The following TMEM161B variants were observed in gnomAD, a reference collection of about 807,000 sequenced individuals.
The protein encoded by TMEM161B is transmembrane protein 161B.
Under a neutral mutation model 61.8 loss-of-function variants are expected in TMEM161B, and 34 were observed. The ratio of observed to expected loss-of-function variants is 0.55; its 90% confidence interval spans 0.42 to 0.73. The LOEUF (loss-of-function observed/expected upper bound fraction) is 0.73, where lower values mean the gene tolerates loss of function less well. TMEM161B is among the 30% of genes least tolerant of loss of function. TMEM161B has a pLI of 0.00. For missense variants in TMEM161B, 456 were observed against 558.5 expected, an observed-to-expected ratio of 0.82 and a Z score of 1.85; for synonymous variants, 167 against 192.8, an observed-to-expected ratio of 0.87 and a Z score of 1.11.
intron 8 of TMEM161B, among the ~76,000 whole-genome samples, chr5:88,204,558 G>A (rs1745069930): frequency 6.6e-6 from 1 of 152,084 alleles, no homozygotes; most frequent in South Asian, 2.1e-4. Context: ...AGCCCACAGC[G>A]GTTTCAGTAG....
In TMEM161B at chr5:88,199,087, C is replaced by A. The variant is rs1208728401; in HGVS notation, c.978G>T (p.Arg326=). The change falls in exon 10 of 12, where the codon CGG becomes CGT. Residue 326 remains arginine, a synonymous_variant. Coordinates refer to ENST00000296595, the MANE Select transcript of TMEM161B (RefSeq NM_153354.5). ...LWLIILLCAL[R]LAMMRSHLQA... Reference sequence around the variant, plus strand: ...GCAGGTGACTACGCATCATGGCCAACCGCAAAGCACACAGCAGGATTATTA... The same window carrying A: ...GCAGGTGACTACGCATCATGGCCAAACGCAAAGCACACAGCAGGATTATTA... 5.0e-6 allele frequency: 8 copies of A among 1,612,910 alleles called. No homozygotes were observed. In the African/African-American group the frequency reaches 1.1e-4, roughly 22 times the overall value.
downstream of TMEM161B, among the ~76,000 whole-genome samples, chr5:88,189,411 TG>T (rs1748570560): frequency 6.6e-6 from 1 of 152,152 alleles, no homozygotes; most frequent in African/African-American, 2.4e-5. Context: ...TGTCCAGGCT[TG>T]GTCTTGCCTT....
chr5:88,195,810 A>G lies in TMEM161B; in HGVS notation c.*401T>C, dbSNP rs1159280608. 1.0e-6 allele frequency: 1 copy of G among 991,722 alleles called. No individual in the cohort carries two copies. Among genetic ancestry groups the G allele is most frequent in the Non-Finnish European group, 1.2e-6 (1 of 834,110 alleles). 61.4% of individuals were successfully genotyped at this position (991,722 alleles called of 1,614,324 possible). A position where few individuals can be genotyped will look rare whatever the true frequency, so the allele number is the denominator to read the frequency against. ...CCCTAAAGCATGGCTCAGTTTGAAG[A>G]TTGTTCTATAGGCAGCCACTATGAC... is the stretch of plus-strand genomic sequence containing the variant. On this transcript the variant is annotated 3_prime_UTR_variant, in exon 12 of 12. Transcript: ENST00000296595.
chr5:88,265,920 C>T (rs1756316043), intron 1 of TMEM161B, among the ~76,000 whole-genome samples: 1 of 152,186 alleles, frequency 6.6e-6, no homozygotes, highest in African/African-American at 2.4e-5. Flanking sequence ...TAGCTCTAAT[C>T]TACCTATCTT....
chr5:88,234,720 G>A (rs62369774), intron 2 of TMEM161B, among the ~76,000 whole-genome samples: 1 of 151,990 alleles, frequency 6.6e-6, no homozygotes, highest in African/African-American at 2.4e-5. Context: ...TTTTTGAAAT[G>A]GGAAAAAATA....
At chr5:88,230,608 G>C (rs1470620327) in intron 2 of TMEM161B, among the ~76,000 whole-genome samples, 2 of 152,102 alleles carry the variant, frequency 1.3e-5, no homozygotes, top group Non-Finnish European at 2.9e-5. Flanking sequence ...TTGACTAAGT[G>C]ACATTTTCTT....
Position 88,208,250 on chromosome 5 carries a change from G to T in TMEM161B, c.447-1070C>A, listed in dbSNP as rs369796480. ...TGTGATCCCAGCACCTTGGGAGGCC[G>T]AGGCGGCTGGATCACGAGGTCAGGA... is the stretch of plus-strand genomic sequence containing the variant. On this transcript the variant is annotated intron_variant, in intron 5 of 11. Coordinates refer to ENST00000296595, the MANE Select transcript of TMEM161B (RefSeq NM_153354.5). 1.1e-4 allele frequency among the ~76,000 whole-genome samples: 17 copies of T among 152,190 alleles called. No homozygotes were observed. The South Asian group carries it at 3.3e-3, about 30-fold the overall frequency.
chr5:88,237,871 G>A (rs1752115893), intron 2 of TMEM161B, among the ~76,000 whole-genome samples: 1 of 151,978 alleles, frequency 6.6e-6, no homozygotes, highest in Admixed American at 6.6e-5. Flanking sequence ...ATTCCTTCAA[G>A]TATAATTGCT....
downstream of TMEM161B, among the ~76,000 whole-genome samples, chr5:88,186,591 T>A (rs528929253): frequency 6.6e-5 from 10 of 152,244 alleles, no homozygotes; most frequent in South Asian, 2.1e-3. Flanking sequence ...CTTTTTTTGA[T>A]GAGCATAAGT....
At chr5:88,201,292 TTAAA>T (rs1744359499) in intron 9 of TMEM161B, 1 of 152,082 alleles carries the variant, frequency 6.6e-6, no homozygotes, top group Admixed American at 6.6e-5. Context: ...CCCATTTCTA[TTAAA>T]TAAAGTATTC....
chr5:88,268,700 T>C (rs1756760606), intron 1 of TMEM161B, 21 bp downstream of exon 1: 4 of 1,614,022 alleles, frequency 2.5e-6, no homozygotes, highest in African/African-American at 1.3e-5. Context: ...TTGTCACTCC[T>C]GCCCTCACAG....
Position 88,203,791 on chromosome 5 carries a change from AT to A in TMEM161B, c.801-717del, listed in dbSNP as rs1561312618. Among the ~76,000 whole-genome samples, 119 of 35,342 alleles carry A rather than the reference AT, an allele frequency of 3.4e-3. 3 individuals are homozygous for A. Among genetic ancestry groups the A allele is most frequent in the Admixed American group, 6.5e-3 (20 of 3,074 alleles). 23.2% of individuals were successfully genotyped at this position (35,342 alleles called of 152,430 possible). ...TATATATATATATATATATATATAT[AT>A]ATATATATATATATATATATATAAT... On this transcript the variant is annotated intron_variant, in intron 8 of 11. Transcript: ENST00000296595.
intron 1 of TMEM161B, among the ~76,000 whole-genome samples, chr5:88,243,009 T>C (rs761133215): frequency 2.6e-5 from 4 of 151,674 alleles, no homozygotes; most frequent in Non-Finnish European, 4.4e-5. Context: ...TTGCCTAATT[T>C]AAAAAAGAAA....
At chr5:88,190,210 C>T (rs1232769826), downstream of TMEM161B, 10 of 700,918 alleles carry the variant, frequency 1.4e-5, no homozygotes, top group Non-Finnish European at 1.6e-5. Flanking sequence ...AAGGGGGCTG[C>T]TCCATAAGCT....
downstream of TMEM161B, among the ~76,000 whole-genome samples, chr5:88,193,252 A>G (rs1353224274): frequency 5.3e-5 from 8 of 152,172 alleles, no homozygotes; most frequent in Non-Finnish European, 1.2e-4. Context: ...GACAGGAACC[A>G]ATAAATTGTC....
chr5:88,205,668 C>A, intron 8 of TMEM161B, 146 bp downstream of exon 8: 1 of 863,230 alleles, frequency 1.2e-6, no homozygotes, highest in Non-Finnish European at 1.7e-6. Flanking sequence ...AAGAAACTTG[C>A]TTATAGTTGA....
In TMEM161B at chr5:88,195,159, TTAAA is replaced by T; in HGVS notation, c.*1048_*1051del. On this transcript the variant is annotated 3_prime_UTR_variant, in exon 12 of 12. Transcript: ENST00000296595. Reference sequence around the variant, plus strand: ...GAAACCATTAAGCGTCCATAAAACTTTAAATACACTCACACATAGGCAACACAAA... The same window carrying T: ...GAAACCATTAAGCGTCCATAAAACTTTACACTCACACATAGGCAACACAAA... The T allele has an allele frequency of 1.0e-6, 1 of 985,280 alleles. No individual in the cohort carries two copies. Among genetic ancestry groups the T allele is most frequent in the African/African-American group, 1.7e-5 (1 of 57,290 alleles). The allele number at this position is 985,280 out of a possible 1,614,324, so 61.0% of individuals were successfully genotyped here. A position where few individuals can be genotyped will look rare whatever the true frequency, so the allele number is the denominator to read the frequency against.
chr5:88,198,974 A>T lies in TMEM161B; in HGVS notation c.1089+2T>A. ...TCATTTTGACTAGGGTATAAAACTT[A>T]CCATTTTCTGTAGCTCAACCGTGCT... On this transcript the variant is annotated splice_donor_variant, in intron 10 of 11. Coordinates refer to ENST00000296595, the MANE Select transcript of TMEM161B (RefSeq NM_153354.5). LOFTEE classifies it high-confidence loss of function. 1 of 1,609,136 alleles carries T rather than the reference A, an allele frequency of 6.2e-7. No homozygotes were observed. Among genetic ancestry groups the T allele is most frequent in the Non-Finnish European group, 8.5e-7 (1 of 1,178,066 alleles).
intron 2 of TMEM161B, among the ~76,000 whole-genome samples, chr5:88,228,834 AAAGTG>A (rs1750501676): frequency 1.3e-5 from 2 of 152,204 alleles, no homozygotes; most frequent in Non-Finnish European, 2.9e-5. Context: ...AAAAGTAAAT[AAAGTG>A]AAGTCTGTAG....
Sources: allele counts gnomAD v4.1 joint callset (sites outside exome capture counted in the v4.1 genomes callset), GRCh38; gene constraint gnomAD v4.1.1; transcripts MANE v1.5; gene names NCBI Gene and HGNC (gene_info 2026-07-23, HGNC 2026-07-21).